Variants in CHAF1A observed in about 807,000 individuals in gnomAD.
CHAF1A encodes the protein chromatin assembly factor 1 subunit A.
CHAF1A carries 5 observed loss-of-function variants against 93.2 expected under a neutral mutation model. The observed-to-expected ratio is 0.05, with a 90% CI of 0.03 to 0.11. CHAF1A has a LOEUF of 0.11. CHAF1A is among the 10% of genes least tolerant of loss of function. The pLI is 1.00. For missense variants in CHAF1A, 1,102 were observed against 1,259.9 expected, an observed-to-expected ratio of 0.87 and a Z score of 1.90; for synonymous variants, 504 against 510.3, an observed-to-expected ratio of 0.99 and a Z score of 0.17.
chr19:4,441,507 C>G (rs1471889986), intron 13 of CHAF1A, among the ~76,000 whole-genome samples: 1 of 152,012 alleles, frequency 6.6e-6, no homozygotes, highest in East Asian at 1.9e-4. Flanking sequence ...ACTCAGGAGG[C>G]TGAAGAACGA....
downstream of CHAF1A, chr19:4,447,220 C>T: frequency 1.7e-6 from 1 of 576,430 alleles, no homozygotes; most frequent in Non-Finnish European, 3.1e-6. Context: ...ACCCCAGTCC[C>T]TGCCCTTTCC....
Position 4,402,670 on chromosome 19 carries a change from C to CAGCGGCAGT in CHAF1A, c.-87_-86insAGTAGCGGC, listed in dbSNP as rs1033724965. On this transcript the variant is annotated 5_prime_UTR_variant, in exon 1 of 15. Coordinates refer to ENST00000301280, the MANE Select transcript of CHAF1A (RefSeq NM_005483.3). ...ACGAGCGCGGCGGCCGCGGCGGCAG[C>CAGCGGCAGT]AGCGGCGCGGGCGGGAGGGCGAAGA... The CAGCGGCAGT allele has an allele frequency of 8.6e-5, 73 of 847,018 alleles. No individual in the cohort carries two copies. Among genetic ancestry groups the CAGCGGCAGT allele is most frequent in the Non-Finnish European group, 1.1e-4 (71 of 652,388 alleles). 52.5% of individuals were successfully genotyped at this position (847,018 alleles called of 1,614,324 possible).
At chr19:4,429,664 C>T (rs374855531) in intron 9 of CHAF1A, 44 bp from the exon 10 acceptor site, 3 of 1,613,792 alleles carry the variant, frequency 1.9e-6, no homozygotes, top group African/African-American at 2.7e-5. Flanking sequence ...CCCTTTCCTC[C>T]AGCCCCAAAG....
rs752573393 is a variant in CHAF1A, at chr19:4,442,319, C to A, written c.2748C>A (p.Ile916=). Residue 916 remains isoleucine (I), a synonymous_variant, in exon 14 of 15, where the codon ATC becomes ATA. Transcript: ENST00000301280. The stretch of plus-strand genomic sequence containing the variant: ...AAGAGGAGGAGGGCGACTGTATGAT[C>A]GTGGATGTCCCGGATGCTGCGGGTG... ...EEEEEEGDCM[I]VDVPDAAEVQ... is the part of the protein sequence containing the mutation. The A allele has an allele frequency of 6.2e-7, 1 of 1,606,134 alleles. No homozygotes were observed.
At position 4,422,490 on chromosome 19, in the gene CHAF1A, C is replaced by T; in HGVS notation, c.1018-76C>T. On this transcript the variant is annotated intron_variant, in intron 4 of 14. Transcript: ENST00000301280. This position sits in a 1 kb window ranked among gnomAD's most constrained non-coding sequence, Gnocchi z 4.6. ...GTTCATCCCGTCCAGGCCGTGCTGT[C>T]CTCCATGCTGTGAACCGAGCTTCCT... 2 of 1,327,438 alleles carry T rather than the reference C, an allele frequency of 1.5e-6. No homozygotes were observed. Among genetic ancestry groups the T allele is most frequent in the South Asian group, 2.6e-5 (2 of 77,862 alleles). The allele number at this position is 1,327,438 out of a possible 1,614,324, so 82.2% of individuals were successfully genotyped here.
chr19:4,445,476 T>C (rs763164461), downstream of CHAF1A: 2 of 1,613,570 alleles, frequency 1.2e-6, no homozygotes, highest in South Asian at 2.2e-5. Context: ...CCCACAGGGC[T>C]GAGGCCAACC....
chr19:4,419,029 A>ATTTTTTTTTTTTTTTTTTTTTTTTTT (rs11406470), intron 4 of CHAF1A, among the ~76,000 whole-genome samples: 2 of 96,448 alleles, frequency 2.1e-5, no homozygotes, highest in African/African-American at 4.3e-5. Context: ...TAGCCAGCTA[A>ATTTTTTTTTTTTTTTTTTTTTTTTTT]TTTTTTTTTT....
At chr19:4,426,878 G>T (rs1381782986) in intron 7 of CHAF1A, among the ~76,000 whole-genome samples, 1 of 152,012 alleles carries the variant, frequency 6.6e-6, no homozygotes, top group Non-Finnish European at 1.5e-5. Context: ...ATCATCTGAG[G>T]TCAGGAGCTT....
intron 3 of CHAF1A, among the ~76,000 whole-genome samples, chr19:4,417,017 T>A (rs558001591): frequency 7.7e-4 from 118 of 152,298 alleles, no homozygotes; most frequent in African/African-American, 2.6e-3. Context: ...ATTTTTTTTT[T>A]AGACAGTCTC....
At chr19:4,428,612 C>A in intron 7 of CHAF1A, 52 bp from the exon 8 acceptor site, 1 of 1,488,590 alleles carries the variant, frequency 6.7e-7, no homozygotes, top group Non-Finnish European at 9.4e-7. Context: ...GTCCATGGTG[C>A]CTCCTTTCTC....
Position 4,422,653 on chromosome 19 carries a change from G to A in CHAF1A, c.1105G>A (p.Glu369Lys), listed in dbSNP as rs1432165653. Residue 369 changes from glutamate (E) to lysine (K), a missense_variant, in exon 5 of 15, where the codon GAG (glutamate) becomes AAG (lysine). This residue lies in a region of CHAF1A where 165 missense variants were observed against 243.9 expected (regional missense o/e 0.68). Coordinates refer to ENST00000301280, the MANE Select transcript of CHAF1A (RefSeq NM_005483.3). This position sits in a 1 kb window ranked among gnomAD's most constrained non-coding sequence, Gnocchi z 4.6. The stretch of plus-strand genomic sequence containing the variant: ...GAAAGAGGAGGCCAAGCGGGCCAAG[G>A]AGGAGGCCAAGAAGAAGAAGGAGGA... ...KLKEEAKRAK[E>K]EAKKKKEEEK... The A allele has an allele frequency of 2.5e-6, 4 of 1,606,076 alleles. No individual in the cohort carries two copies. The highest frequency in any genetic ancestry group is 3.4e-6 in the Non-Finnish European group (4 of 1,176,270).
In CHAF1A at chr19:4,433,792, G is replaced by A. The variant is rs1449342236; in HGVS notation, c.2673+253G>A. Among the ~76,000 whole-genome samples, 1 of 151,872 alleles carries A rather than the reference G, an allele frequency of 6.6e-6. No individual in the cohort carries two copies. Among genetic ancestry groups the A allele is most frequent in the African/African-American group, 2.4e-5 (1 of 41,358 alleles). On this transcript the variant is annotated intron_variant, in intron 13 of 14. Coordinates refer to ENST00000301280, the MANE Select transcript of CHAF1A (RefSeq NM_005483.3). This position sits in a 1 kb window ranked among gnomAD's most constrained non-coding sequence, Gnocchi z 5.6. Reference sequence around the variant, plus strand: ...AATTTTTGTATTTTTAGTAGAGACGGGGTTTCACCATGTTGGTCAGGCTGG... The same window carrying A: ...AATTTTTGTATTTTTAGTAGAGACGAGGTTTCACCATGTTGGTCAGGCTGG...
At chr19:4,437,761 A>G (rs201533275) in intron 13 of CHAF1A, among the ~76,000 whole-genome samples, 5 of 40,096 alleles carry the variant, frequency 1.2e-4, no homozygotes, top group Admixed American at 2.6e-4. Flanking sequence ...TTTTATTTTG[A>G]CGGAGTCTCG....
At position 4,423,238 on chromosome 19, in the gene CHAF1A, A is replaced by G. The variant is rs973197777; in HGVS notation, c.1248-97A>G. 1.4e-5 allele frequency: 21 copies of G among 1,528,648 alleles called. No individual in the cohort carries two copies. The East Asian group carries it at 2.5e-4, about 18-fold the overall frequency. The allele number at this position is 1,528,648 out of a possible 1,614,324, so 94.7% of individuals were successfully genotyped here. ...AAAATAACTTATATTCATTTAATGT[A>G]AAATGAAATACTTGCCATATACTAA... On this transcript the variant is annotated intron_variant, in intron 5 of 14. Coordinates refer to ENST00000301280, the MANE Select transcript of CHAF1A (RefSeq NM_005483.3).
At chr19:4,403,018 C>A (rs1426652197) in intron 1 of CHAF1A, among the ~76,000 whole-genome samples, 1 of 152,208 alleles carries the variant, frequency 6.6e-6, no homozygotes, top group Non-Finnish European at 1.5e-5. Flanking sequence ...GTAGCCGCGA[C>A]CATATTGTTT....
chr19:4,423,052 C>G (rs911023732), intron 5 of CHAF1A, among the ~76,000 whole-genome samples: 2 of 152,180 alleles, frequency 1.3e-5, no homozygotes, highest in Non-Finnish European at 1.5e-5. Flanking sequence ...AGTTCCCAAC[C>G]AACTTAGGCA....
At chr19:4,417,617 C>CGT (rs1973918408) in intron 3 of CHAF1A, among the ~76,000 whole-genome samples, 1 of 152,026 alleles carries the variant, frequency 6.6e-6, no homozygotes, top group African/African-American at 2.4e-5. Flanking sequence ...CCTGCCACCA[C>CGT]GCTCGGCTAA....
At chr19:4,430,135 CGT>C in intron 10 of CHAF1A, 1 of 350,140 alleles carries the variant, frequency 2.9e-6, no homozygotes, top group African/African-American at 2.1e-5. Context: ...CGATGCTCAC[CGT>C]GTCTGTCGGG....
chr19:4,418,216 C>T (rs1973928885), intron 4 of CHAF1A, 140 bp downstream of exon 4: 2 of 578,416 alleles, frequency 3.5e-6, no homozygotes, highest in Non-Finnish European at 6.0e-6. Context: ...ATTCCTGCTT[C>T]ATTTTAAGTA....
Sources: allele counts gnomAD v4.1 joint callset (sites outside exome capture counted in the v4.1 genomes callset), GRCh38; gene constraint gnomAD v4.1.1; regional missense constraint gnomAD v4.1.1; non-coding constraint Gnocchi (gnomAD v3.1); transcripts MANE v1.5; gene names NCBI Gene and HGNC (gene_info 2026-07-23, HGNC 2026-07-21).